NR1H4: variants seen among roughly 807,000 people sequenced by gnomAD.
The protein encoded by NR1H4 is bile acid receptor.
NR1H4 carries 23 observed loss-of-function variants against 58.5 expected under a neutral mutation model. That is an observed-to-expected ratio of 0.39 (90% CI 0.28 to 0.56). The LOEUF is 0.56. Among genes scored for constraint, NR1H4 ranks in the 20% least tolerant of loss-of-function variants. The pLI, the probability that NR1H4 is intolerant of heterozygous loss-of-function variation, is 0.58. For synonymous variants in NR1H4, 214 were observed against 198.0 expected (o/e 1.08, Z -0.68); for missense variants, 487 against 576.9 (o/e 0.84, Z 1.60).
intron 9 of NR1H4, among the ~76,000 whole-genome samples, chr12:100,542,401 C>T (rs769195860): frequency 1.9e-4 from 29 of 151,996 alleles, no homozygotes; most frequent in Non-Finnish European, 4.0e-4. Context: ...TCTCAAGAGA[C>T]GAGATAATAG....
intron 3 of NR1H4, among the ~76,000 whole-genome samples, chr12:100,502,428 C>T (rs557353221): frequency 1.3e-5 from 2 of 152,234 alleles, no homozygotes; most frequent in Admixed American, 6.5e-5. Flanking sequence ...TCTCCTTGGC[C>T]CACAGATGGC....
chr12:100,511,774 T>A (rs1954124190), intron 4 of NR1H4, among the ~76,000 whole-genome samples: 1 of 151,856 alleles, frequency 6.6e-6, no homozygotes, highest in Non-Finnish European at 1.5e-5. Flanking sequence ...ATACAAAAAT[T>A]AGCTGGGTGT....
At chr12:100,519,095 A>G (rs927712317) in intron 4 of NR1H4, among the ~76,000 whole-genome samples, 17 of 152,118 alleles carry the variant, frequency 1.1e-4, no homozygotes, top group African/African-American at 3.9e-4. Flanking sequence ...GCCTTGACCC[A>G]TGACTCTTAA....
chr12:100,499,769 T>C, intron 3 of NR1H4: 1 of 433,892 alleles, frequency 2.3e-6, no homozygotes, highest in South Asian at 1.6e-5. Flanking sequence ...ATAATTGTAA[T>C]GATAACAGCT....
intron 1 of NR1H4, among the ~76,000 whole-genome samples, chr12:100,480,142 T>C (rs1953348843): frequency 6.6e-6 from 1 of 152,220 alleles, no homozygotes; most frequent in Non-Finnish European, 1.5e-5. Context: ...TTAATGAATA[T>C]TGGATGAATG....
rs371150445 is a variant in NR1H4, at chr12:100,493,444, A to G, written c.79+42A>G. ...ATTTGAATATCAATAAGAACAAACTACGATTTGGAAATACATGAGGAAATG... is the reference window on the plus strand; with the variant it reads ...ATTTGAATATCAATAAGAACAAACTGCGATTTGGAAATACATGAGGAAATG... On this transcript the variant is annotated intron_variant, in intron 3 of 10. Transcript: ENST00000392986. 4.1e-5 allele frequency: 40 copies of G among 980,046 alleles called. No homozygotes were observed. The Admixed American group carries it at 4.9e-4, about 12-fold the overall frequency. 60.7% of individuals were successfully genotyped at this position (980,046 alleles called of 1,614,324 possible). A position where few individuals can be genotyped will look rare whatever the true frequency, so the allele number is the denominator to read the frequency against.
chr12:100,483,052 A>G (rs1429391743), intron 1 of NR1H4, among the ~76,000 whole-genome samples: 2 of 152,052 alleles, frequency 1.3e-5, no homozygotes, highest in Non-Finnish European at 2.9e-5. Flanking sequence ...CAGCCTCCCA[A>G]GTAGCTGGGA....
At chr12:100,495,769 A>T (rs928456723) in intron 3 of NR1H4, among the ~76,000 whole-genome samples, 3 of 152,080 alleles carry the variant, frequency 2.0e-5, no homozygotes, top group Admixed American at 2.0e-4. Flanking sequence ...AGCTAAAGGT[A>T]TGCCAAAGGG....
chr12:100,542,113 A>AG (rs1225092269), intron 9 of NR1H4, among the ~76,000 whole-genome samples: 1 of 151,900 alleles, frequency 6.6e-6, no homozygotes, highest in Non-Finnish European at 1.5e-5. Flanking sequence ...TGGGAGGCAG[A>AG]GGGGGGTGGA....
intron 3 of NR1H4, chr12:100,503,376 A>G: frequency 6.3e-7 from 1 of 1,594,972 alleles, no homozygotes; most frequent in Non-Finnish European, 8.5e-7. Context: ...AGTGGCTGTG[A>G]ATAAGCTAAG....
At chr12:100,505,045 T>A (rs185097236) in intron 3 of NR1H4, among the ~76,000 whole-genome samples, 3 of 152,082 alleles carry the variant, frequency 2.0e-5, no homozygotes, top group Admixed American at 1.3e-4. Context: ...CAAACAACTT[T>A]GCAGTAAAGC....
intron 3 of NR1H4, 122 bp from the exon 4 acceptor site, chr12:100,510,654 CTT>C: frequency 1.5e-6 from 1 of 660,200 alleles, no homozygotes; most frequent in Middle Eastern, 4.2e-4. Context: ...AAGTTGTAAA[CTT>C]TTATGTAGTT....
intron 9 of NR1H4, among the ~76,000 whole-genome samples, chr12:100,559,394 C>T (rs573521650): frequency 1.5e-3 from 230 of 152,300 alleles, no homozygotes; most frequent in Non-Finnish European, 2.8e-3. Flanking sequence ...GAGACGCGAG[C>T]GGGAACCGGG....
At chr12:100,486,994 TA>T (rs941012026) in intron 1 of NR1H4, among the ~76,000 whole-genome samples, 1 of 151,822 alleles carries the variant, frequency 6.6e-6, no homozygotes, top group East Asian at 1.9e-4. Context: ...GCCAAGTCAA[TA>T]AAAAAAGGAA....
At chr12:100,503,537 C>A in intron 3 of NR1H4, 1 of 1,523,548 alleles carries the variant, frequency 6.6e-7, no homozygotes, top group Admixed American at 2.0e-5. Flanking sequence ...CGAGCTCTTG[C>A]AACTGGACTG....
intron 3 of NR1H4, among the ~76,000 whole-genome samples, chr12:100,497,813 C>T (rs1593053190): frequency 6.6e-6 from 1 of 152,302 alleles, no homozygotes; most frequent in South Asian, 2.1e-4. Context: ...GTGAATAAAA[C>T]AGGAGATGGT....
intron 9 of NR1H4, among the ~76,000 whole-genome samples, chr12:100,559,318 G>C (rs911963111): frequency 1.3e-5 from 2 of 152,194 alleles, no homozygotes; most frequent in African/African-American, 4.8e-5. Context: ...TGCACTGTGG[G>C]AGCCCCTTTC....
At chr12:100,509,709 T>G (rs1176962231) in intron 3 of NR1H4, among the ~76,000 whole-genome samples, 1 of 152,238 alleles carries the variant, frequency 6.6e-6, no homozygotes, top group Non-Finnish European at 1.5e-5. Flanking sequence ...GCAGGCACTG[T>G]ATTCTTTTTT....
At chr12:100,532,809 T>C (rs1170897522) in intron 5 of NR1H4, among the ~76,000 whole-genome samples, 199 bp downstream of exon 5, 1 of 152,196 alleles carries the variant, frequency 6.6e-6, no homozygotes, top group African/African-American at 2.4e-5. Context: ...AGAAATGGGT[T>C]TTTTTTGTTG....
Sources: gnomAD v4.1 joint callset for allele counts (sites outside exome capture counted in the v4.1 genomes callset) on GRCh38, gnomAD v4.1.1 for gene constraint, MANE v1.5 for transcripts, NCBI Gene and HGNC (gene_info 2026-07-23, HGNC 2026-07-21) for gene names.